Variants in SHISA9 observed in about 807,000 individuals in gnomAD.
SHISA9 encodes shisa family member 9.
A neutral mutation model predicts 38.0 loss-of-function variants in SHISA9; 13 were observed. The observed-to-expected ratio is 0.34, with a 90% CI of 0.22 to 0.54. The LOEUF (loss-of-function observed/expected upper bound fraction) is 0.54, where lower values mean the gene tolerates loss of function less well. Ranked by LOEUF, SHISA9 falls within the 20% of genes least tolerant of loss-of-function variation. The probability of loss-of-function intolerance (pLI) is 0.91; values close to 1 mark genes in which losing one functional copy is unlikely to be tolerated. For synonymous variants in SHISA9, 275 were observed against 242.0 expected (o/e 1.14, Z -1.27); for missense variants, 538 against 575.8 (o/e 0.93, Z 0.67).
At chr16:12,943,700 T>C (rs931801399) in intron 2 of SHISA9, among the ~76,000 whole-genome samples, 2 of 152,288 alleles carry the variant, frequency 1.3e-5, no homozygotes, top group East Asian at 3.9e-4. Context: ...TTGTCTCCTG[T>C]TGGCCATGGT....
chr16:13,406,587 C>T, the SHISA9 span, among the ~76,000 whole-genome samples: 2 of 152,204 alleles, frequency 1.3e-5, no homozygotes, highest in East Asian at 1.9e-4. Flanking sequence ...TGCCCTCAGA[C>T]TTCTACAACT....
At chr16:13,416,332 G>C in the SHISA9 span, among the ~76,000 whole-genome samples, 18 of 152,250 alleles carry the variant, frequency 1.2e-4, no homozygotes, top group African/African-American at 4.3e-4. Context: ...CCCATTCTTA[G>C]AAGGGAAACA....
the SHISA9 span, among the ~76,000 whole-genome samples, chr16:13,489,526 T>G: frequency 6.6e-6 from 1 of 152,324 alleles, no homozygotes; most frequent in East Asian, 1.9e-4. Flanking sequence ...CAGTGGGAGA[T>G]AATTGAATCA....
the SHISA9 span, among the ~76,000 whole-genome samples, chr16:13,302,269 A>G: frequency 1.3e-5 from 2 of 152,192 alleles, no homozygotes; most frequent in Non-Finnish European, 2.9e-5. Context: ...TAGATAGTAA[A>G]GAAAGCCCAT....
chr16:13,135,613 A>C (rs1123220), intron 2 of SHISA9, among the ~76,000 whole-genome samples: 1 of 152,038 alleles, frequency 6.6e-6, no homozygotes, highest in East Asian at 1.9e-4. Flanking sequence ...CCTTCCTGTC[A>C]CAGGTGTTGA....
At chr16:13,223,015 G>A (rs1351784815) in intron 4 of SHISA9, among the ~76,000 whole-genome samples, 1 of 152,134 alleles carries the variant, frequency 6.6e-6, no homozygotes, top group Non-Finnish European at 1.5e-5. Context: ...AGGCCACATA[G>A]GCCTGGTTAT....
intron 2 of SHISA9, among the ~76,000 whole-genome samples, chr16:13,157,492 C>T (rs1029309557): frequency 2.0e-5 from 3 of 152,126 alleles, no homozygotes; most frequent in Non-Finnish European, 2.9e-5. Flanking sequence ...ATCAGTAAAA[C>T]AGAGATCACA....
chr16:13,030,084 C>T (rs577501964), intron 2 of SHISA9, among the ~76,000 whole-genome samples: 1 of 152,270 alleles, frequency 6.6e-6, no homozygotes, highest in South Asian at 2.1e-4. Flanking sequence ...TGATCAATGT[C>T]GTTTATAATT....
intron 2 of SHISA9, among the ~76,000 whole-genome samples, chr16:12,950,374 A>G (rs762552791): frequency 2.0e-5 from 3 of 152,202 alleles, no homozygotes; most frequent in South Asian, 4.1e-4. Flanking sequence ...TCTTTTGCAT[A>G]TATACCCAGC....
the SHISA9 span, among the ~76,000 whole-genome samples, chr16:13,440,581 T>C: frequency 2.0e-5 from 3 of 152,314 alleles, no homozygotes; most frequent in South Asian, 6.2e-4. Context: ...TCTGAGCTTC[T>C]TTTCTAAATG....
the SHISA9 span, among the ~76,000 whole-genome samples, chr16:13,381,260 G>A: frequency 6.6e-6 from 1 of 152,162 alleles, no homozygotes; most frequent in Non-Finnish European, 1.5e-5. Context: ...GGAGAGATTA[G>A]AGATAGAAAT....
At chr16:13,187,362 T>TCTTG (rs1283474749) in intron 2 of SHISA9, among the ~76,000 whole-genome samples, 1 of 140,164 alleles carries the variant, frequency 7.1e-6, no homozygotes, top group Non-Finnish European at 1.5e-5. Flanking sequence ...TGAGGCAGAG[T>TCTTG]CTTGCTCTAT....
At chr16:13,050,081 T>C (rs1210721127) in intron 2 of SHISA9, among the ~76,000 whole-genome samples, 1 of 152,188 alleles carries the variant, frequency 6.6e-6, no homozygotes, top group Non-Finnish European at 1.5e-5. Context: ...ACTATGATGA[T>C]ATAGAATAAC....
chr16:13,358,815 A>G, the SHISA9 span, among the ~76,000 whole-genome samples: 1 of 152,240 alleles, frequency 6.6e-6, no homozygotes, highest in Non-Finnish European at 1.5e-5. Flanking sequence ...CAGCAGAGCC[A>G]TAAAAAGATG....
intron 2 of SHISA9, among the ~76,000 whole-genome samples, chr16:12,952,578 G>A (rs2071772097): frequency 1.3e-5 from 2 of 152,184 alleles, no homozygotes; most frequent in South Asian, 4.1e-4. Flanking sequence ...GTCAAGGGAG[G>A]GACCTGGTGG....
At chr16:12,915,962 G>A (rs2071248277) in intron 1 of SHISA9, among the ~76,000 whole-genome samples, 1 of 149,596 alleles carries the variant, frequency 6.7e-6, no homozygotes, top group African/African-American at 2.5e-5. Flanking sequence ...CAGCTCTCTG[G>A]TCTGTTCTAC....
chr16:12,986,996 C>T (rs1291745043), intron 2 of SHISA9, among the ~76,000 whole-genome samples: 1 of 152,202 alleles, frequency 6.6e-6, no homozygotes, highest in African/African-American at 2.4e-5. Context: ...CCATATCTGT[C>T]TTCTCCACTG....
intron 1 of SHISA9, among the ~76,000 whole-genome samples, chr16:12,916,181 C>T (rs368598429): frequency 6.6e-6 from 1 of 152,076 alleles, no homozygotes; most frequent in East Asian, 1.9e-4. Flanking sequence ...CTCTCTGAGC[C>T]TTTGTTTACT....
chr16:13,512,065 G>C, the SHISA9 span, among the ~76,000 whole-genome samples: 1 of 152,098 alleles, frequency 6.6e-6, no homozygotes, highest in Non-Finnish European at 1.5e-5. Flanking sequence ...CTAGATTAAG[G>C]CCTGCTCTGG....
Sources: allele counts gnomAD v4.1 joint callset (sites outside exome capture counted in the v4.1 genomes callset), GRCh38; gene constraint gnomAD v4.1.1; transcripts MANE v1.5; gene names NCBI Gene and HGNC (gene_info 2026-07-23, HGNC 2026-07-21).